Variants in NAV2 observed in about 807,000 individuals in gnomAD.
NAV2 encodes the protein helicase, APC down-regulated 1.
NAV2 carries 54 observed loss-of-function variants against 223.2 expected under a neutral mutation model. That is an observed-to-expected ratio of 0.24 (90% CI 0.19 to 0.30). The LOEUF is 0.30. NAV2 is among the 10% of genes least tolerant of loss of function. The pLI, the probability that NAV2 is intolerant of heterozygous loss-of-function variation, is 1.00. For missense variants in NAV2, 2,806 were observed against 3,147.5 expected (o/e 0.89, Z 2.60); for synonymous variants, 1,279 against 1,239.3 (o/e 1.03, Z -0.67).
rs777758288 is a variant in NAV2 at position 19,897,921 on chromosome 11, C to T, written c.931+5327C>T. On this transcript the variant is annotated intron_variant, in intron 6 of 37. Transcript: ENST00000349880. ...ATATATATATGTGAGCAGATTTGCC[C>T]GCAGGAAGACTACTCACTTCTGTTG... is the stretch of plus-strand genomic sequence containing the variant. 1.2e-4 allele frequency among the ~76,000 whole-genome samples: 14 copies of T among 121,044 alleles called. 1 individual carries two copies. Among genetic ancestry groups the T allele is most frequent in the South Asian group, 3.3e-4 (1 of 3,060 alleles). The allele number at this position is 121,044 out of a possible 152,430, so 79.4% of individuals were successfully genotyped here. A position where few individuals can be genotyped will look rare whatever the true frequency, so the allele number is the denominator to read the frequency against.
intron 4 of NAV2, among the ~76,000 whole-genome samples, chr11:19,874,470 A>C (rs2062722719): frequency 1.3e-5 from 2 of 152,206 alleles, no homozygotes; most frequent in Non-Finnish European, 2.9e-5. Flanking sequence ...GAGGTTAATC[A>C]GATACAAAAT....
At chr11:19,428,626 C>G (rs1056421621) in intron 1 of NAV2, among the ~76,000 whole-genome samples, 1 of 152,150 alleles carries the variant, frequency 6.6e-6, no homozygotes, top group Non-Finnish European at 1.5e-5. Context: ...AATTTAATAC[C>G]TTGAGCAGGA....
intron 11 of NAV2, among the ~76,000 whole-genome samples, chr11:20,007,374 TCATATGCC>T (rs1379936417): frequency 2.0e-5 from 3 of 152,228 alleles, no homozygotes; most frequent in Non-Finnish European, 1.5e-5. Flanking sequence ...GAGACTCTGT[TCATATGCC>T]CAGGATGTGT....
At chr11:19,718,983 T>C (rs2050535954) in intron 1 of NAV2, among the ~76,000 whole-genome samples, 1 of 152,228 alleles carries the variant, frequency 6.6e-6, no homozygotes, top group African/African-American at 2.4e-5. Flanking sequence ...CTAGGTTTGC[T>C]TTCCATTTCT....
chr11:19,412,564 C>T (rs187788603), intron 1 of NAV2, among the ~76,000 whole-genome samples: 16 of 152,312 alleles, frequency 1.1e-4, no homozygotes, highest in Admixed American at 3.9e-4. Context: ...GCACAGCAAT[C>T]GAGCTCTGCT....
chr11:19,963,938 A>G (rs1196815722), intron 10 of NAV2, among the ~76,000 whole-genome samples: 18 of 152,086 alleles, frequency 1.2e-4, no homozygotes, highest in Non-Finnish European at 5.9e-5. Context: ...CATTTCAGTC[A>G]CCTATGGTTT....
At chr11:19,923,222 G>A (rs1393095159) in intron 6 of NAV2, among the ~76,000 whole-genome samples, 1 of 151,988 alleles carries the variant, frequency 6.6e-6, no homozygotes, top group African/African-American at 2.4e-5. Context: ...CCTTCATTAG[G>A]ACAGTGTTTG....
intron 11 of NAV2, among the ~76,000 whole-genome samples, chr11:19,990,270 G>A (rs1240948185): frequency 1.3e-5 from 2 of 152,176 alleles, no homozygotes; most frequent in African/African-American, 2.4e-5. Flanking sequence ...TGTATTGTTA[G>A]TTGAGGGAGG....
At chr11:19,894,040 T>TG (rs1491365932) in intron 6 of NAV2, among the ~76,000 whole-genome samples, 1 of 152,194 alleles carries the variant, frequency 6.6e-6, no homozygotes, top group Non-Finnish European at 1.5e-5. Context: ...TATATGTATT[T>TG]GTGTGTGTAT....
chr11:19,892,933 A>G (rs541578463), intron 6 of NAV2, among the ~76,000 whole-genome samples: 2 of 152,260 alleles, frequency 1.3e-5, no homozygotes, highest in African/African-American at 2.4e-5. Flanking sequence ...CAGAAATGCA[A>G]GCTTCTTGGA....
intron 1 of NAV2, among the ~76,000 whole-genome samples, chr11:19,464,703 A>T (rs1651705643): frequency 6.6e-6 from 1 of 152,184 alleles, no homozygotes; most frequent in African/African-American, 2.4e-5. Flanking sequence ...TGTCAGAGGG[A>T]TGTGCCTTGT....
chr11:19,567,269 C>G lies in NAV2; in HGVS notation c.75+216242C>G, dbSNP rs151025723. Among the ~76,000 whole-genome samples, 390 of 152,316 alleles carry G rather than the reference C, an allele frequency of 2.6e-3. 6 individuals are homozygous for G. The highest frequency in any genetic ancestry group is 5.0e-3 in the Non-Finnish European group (340 of 68,034). ...AAGAAAGGCTGGCCAGTGATCCACA[C>G]TGGGTGAGGATTGGAGGCCAGGGCT... On this transcript the variant is annotated intron_variant, in intron 1 of 37. Coordinates refer to the NAV2 transcript ENST00000360655.
chr11:19,466,614 T>C (rs1170594120), intron 1 of NAV2, among the ~76,000 whole-genome samples: 1 of 152,218 alleles, frequency 6.6e-6, no homozygotes, highest in Non-Finnish European at 1.5e-5. Flanking sequence ...GACACTTGCT[T>C]ATTCTACAGC....
At chr11:19,366,755 C>T (rs2133829183) in intron 1 of NAV2, among the ~76,000 whole-genome samples, 1 of 152,206 alleles carries the variant, frequency 6.6e-6, no homozygotes. Context: ...TAGGAGAGAG[C>T]ACCAAGGCTG....
At chr11:19,979,590 G>T (rs562856113) in intron 10 of NAV2, among the ~76,000 whole-genome samples, 2 of 152,120 alleles carry the variant, frequency 1.3e-5, no homozygotes, top group Non-Finnish European at 2.9e-5. Context: ...GCTTTCTCCC[G>T]TGTGTTCTCA....
At chr11:19,553,490 C>G (rs1208941320) in intron 1 of NAV2, among the ~76,000 whole-genome samples, 1 of 147,110 alleles carries the variant, frequency 6.8e-6, no homozygotes, top group Non-Finnish European at 1.5e-5. Context: ...ATCTGAGCAC[C>G]AATATACAGT....
chr11:19,618,408 G>GAATA (rs1288064251), intron 1 of NAV2, among the ~76,000 whole-genome samples: 112,564 of 141,760 alleles, frequency 0.79, 47,528 homozygotes, highest in Non-Finnish European at 0.94. Flanking sequence ...ATAGATGGAT[G>GAATA]GATGGATGGA....
chr11:19,620,310 G>A (rs1167280751), intron 1 of NAV2, among the ~76,000 whole-genome samples: 1 of 152,172 alleles, frequency 6.6e-6, no homozygotes, highest in Non-Finnish European at 1.5e-5. Flanking sequence ...GTCATTGGTA[G>A]CTTGATGGGG....
At chr11:19,544,030 A>C (rs887495720) in intron 1 of NAV2, among the ~76,000 whole-genome samples, 1 of 152,226 alleles carries the variant, frequency 6.6e-6, no homozygotes, top group African/African-American at 2.4e-5. Flanking sequence ...CATGATTTGC[A>C]CTGTATTCAT....
Sources: gnomAD v4.1 joint callset for allele counts (sites outside exome capture counted in the v4.1 genomes callset) on GRCh38, gnomAD v4.1.1 for gene constraint, MANE v1.5 for transcripts, NCBI Gene and HGNC (gene_info 2026-07-23, HGNC 2026-07-21) for gene names.